Variants in TAMM41 observed in about 807,000 individuals in gnomAD.
TAMM41 encodes the protein TAM41 mitochondrial translocator assembly and maintenance homolog.
In TAMM41, 36 loss-of-function variants were observed where a neutral mutation model predicts 44.1. The ratio of observed to expected loss-of-function variants is 0.82; its 90% CI spans 0.63 to 1.08. The LOEUF is 1.08. Ranked by LOEUF, TAMM41 falls within the 50% of genes least tolerant of loss-of-function variation. TAMM41 has a pLI of 0.00. For synonymous variants in TAMM41, 164 were observed against 153.1 expected (o/e 1.07, Z -0.53); for missense variants, 417 against 404.3 (o/e 1.03, Z -0.27).
chr3:11,817,490 AC>A (rs1559293056), intron 4 of TAMM41, among the ~76,000 whole-genome samples, 153 bp from the exon 5 acceptor site: 2 of 152,146 alleles, frequency 1.3e-5, no homozygotes, highest in Non-Finnish European at 1.5e-5. Context: ...TGGACACTTT[AC>A]CCCAAGAAAT....
At chr3:11,789,112 A>T (rs954087058), downstream of TAMM41, among the ~76,000 whole-genome samples, 2 of 152,182 alleles carry the variant, frequency 1.3e-5, no homozygotes, top group African/African-American at 4.8e-5. Context: ...GCACAACTCG[A>T]AGAGGTCTGT....
chr3:11,759,671 C>T, the TAMM41 span, among the ~76,000 whole-genome samples: 1 of 151,986 alleles, frequency 6.6e-6, no homozygotes, highest in Admixed American at 6.6e-5. Flanking sequence ...TTCTATAAAT[C>T]AGGTTTAAGA....
the TAMM41 span, among the ~76,000 whole-genome samples, chr3:11,753,876 C>G: frequency 1.3e-5 from 2 of 152,034 alleles, no homozygotes; most frequent in Non-Finnish European, 2.9e-5. Context: ...GGGCAAGGGG[C>G]GAGGAGGCCG....
At chr3:11,837,113 G>A (rs2079214017) in intron 3 of TAMM41, among the ~76,000 whole-genome samples, 1 of 152,186 alleles carries the variant, frequency 6.6e-6, no homozygotes, top group African/African-American at 2.4e-5. Flanking sequence ...GTGCAAAGCA[G>A]GAGAATCCAG....
intron 4 of TAMM41, among the ~76,000 whole-genome samples, chr3:11,823,718 T>C (rs1346264385): frequency 6.7e-6 from 1 of 149,320 alleles, no homozygotes; most frequent in Non-Finnish European, 1.5e-5. Context: ...TAGAGTGCAG[T>C]GGCATGATCT....
chr3:11,839,210 TA>T lies in TAMM41; in HGVS notation c.411+11del. ...AAGGCATCCTTAACTGTGCAGCCTA[TA>T]AAACACTCACCGGTTTTTGGAGTCG... is the stretch of plus-strand genomic sequence containing the variant. On this transcript the variant is annotated intron_variant, in intron 3 of 7. Coordinates refer to ENST00000455809, the MANE Select transcript of TAMM41 (RefSeq NM_001284401.2). 6.3e-7 allele frequency: 1 copy of T among 1,594,484 alleles called. No individual in the cohort carries two copies. The highest frequency in any genetic ancestry group is 1.3e-5 in the African/African-American group (1 of 74,600).
chr3:11,790,830 G>C (rs1243643697), intron 7 of TAMM41, among the ~76,000 whole-genome samples: 1 of 152,240 alleles, frequency 6.6e-6, no homozygotes, highest in African/African-American at 2.4e-5. Context: ...ATTGGGATAA[G>C]TGATCCTTTT....
chr3:11,745,820 A>G, the TAMM41 span, among the ~76,000 whole-genome samples: 2 of 152,210 alleles, frequency 1.3e-5, no homozygotes, highest in African/African-American at 4.8e-5. Context: ...AAAAATGATC[A>G]AGATGCTAAA....
chr3:11,751,714 G>A, the TAMM41 span, among the ~76,000 whole-genome samples: 2 of 152,202 alleles, frequency 1.3e-5, no homozygotes, highest in Non-Finnish European at 2.9e-5. Context: ...ACACTGCTCA[G>A]GCCTTAGATT....
At chr3:11,737,423 C>T in the TAMM41 span, among the ~76,000 whole-genome samples, 9 of 151,740 alleles carry the variant, frequency 5.9e-5, no homozygotes, top group African/African-American at 1.7e-4. Flanking sequence ...CAGGTTCAAG[C>T]GATTCTCCTT....
chr3:11,799,259 A>AT (rs71628727), intron 7 of TAMM41, among the ~76,000 whole-genome samples: 15,173 of 152,242 alleles, frequency 0.1, 985 homozygotes, highest in East Asian at 0.16. Flanking sequence ...CTCCAAAAAA[A>AT]CAAAACCCAA....
chr3:11,780,834 C>T, the TAMM41 span, among the ~76,000 whole-genome samples: 1 of 152,314 alleles, frequency 6.6e-6, no homozygotes, highest in East Asian at 1.9e-4. Context: ...GGCTCCAGCT[C>T]TTGGTATGCA....
At chr3:11,752,904 C>T in the TAMM41 span, among the ~76,000 whole-genome samples, 1 of 151,800 alleles carries the variant, frequency 6.6e-6, no homozygotes, top group South Asian at 2.1e-4. Flanking sequence ...ATCGTCCTGC[C>T]TTAGCCTCCC....
At position 11,823,258 on chromosome 3, in the gene TAMM41, T is replaced by G. The variant is rs1399894573; in HGVS notation, c.563-5921A>C. Among the ~76,000 whole-genome samples, 847 of 148,436 alleles carry G rather than the reference T, an allele frequency of 5.7e-3. 10 individuals are homozygous for G. Among genetic ancestry groups the G allele is most frequent in the African/African-American group, 0.02 (804 of 40,688 alleles). The stretch of plus-strand genomic sequence containing the variant: ...CATTGTTTTGTTGTTGTTGTTGTTT[T>G]TTTTTTTTTTTTTTTGAGACAGAGT... On this transcript the variant is annotated intron_variant, in intron 4 of 7. Coordinates refer to ENST00000455809, the MANE Select transcript of TAMM41 (RefSeq NM_001284401.2).
chr3:11,736,057 C>G, the TAMM41 span, among the ~76,000 whole-genome samples: 2 of 152,186 alleles, frequency 1.3e-5, no homozygotes, highest in African/African-American at 4.8e-5. Context: ...AAAAACAAAC[C>G]TATTTCCTCG....
the TAMM41 span, among the ~76,000 whole-genome samples, chr3:11,760,991 C>T: frequency 1.3e-5 from 2 of 151,558 alleles, no homozygotes; most frequent in Admixed American, 6.6e-5. Context: ...ACGGTGAAAC[C>T]CCGTCTCTAC....
Position 11,846,659 on chromosome 3 carries a change from ACT to A in TAMM41, c.-25_-24del. ...CATGGGGTCGAGGCTAACAGGGGAC[ACT>A]CAGCGCAGCAGGGCGAGGACAACCG... On this transcript the variant is annotated 5_prime_UTR_variant, in exon 1 of 8. Coordinates refer to ENST00000455809, the MANE Select transcript of TAMM41 (RefSeq NM_001284401.2). The A allele has an allele frequency of 3.1e-6, 5 of 1,614,014 alleles. No homozygotes were observed. The highest frequency in any genetic ancestry group is 4.2e-6 in the Non-Finnish European group (5 of 1,179,944).
At chr3:11,822,004 G>A (rs959616908) in intron 4 of TAMM41, among the ~76,000 whole-genome samples, 1 of 152,150 alleles carries the variant, frequency 6.6e-6, no homozygotes, top group South Asian at 2.1e-4. Context: ...ATGTGTATGA[G>A]GTGTATATGA....
the TAMM41 span, among the ~76,000 whole-genome samples, chr3:11,733,936 G>C: frequency 6.6e-6 from 1 of 152,158 alleles, no homozygotes; most frequent in Non-Finnish European, 1.5e-5. Flanking sequence ...GGGCCCCAGA[G>C]TTCATTGCAT....
Sources: gnomAD v4.1 joint callset for allele counts (sites outside exome capture counted in the v4.1 genomes callset) on GRCh38, gnomAD v4.1.1 for gene constraint, MANE v1.5 for transcripts, NCBI Gene and HGNC (gene_info 2026-07-23, HGNC 2026-07-21) for gene names.